Variants in ITGB5 observed in about 807,000 individuals in gnomAD.
ITGB5 encodes the protein integrin subunit beta 5.
Under a neutral mutation model 84.8 loss-of-function variants are expected in ITGB5, and 38 were observed. The observed-to-expected ratio is 0.45, with a 90% CI of 0.35 to 0.59. The LOEUF (loss-of-function observed/expected upper bound fraction) is 0.59. Among genes scored for constraint, ITGB5 ranks in the 20% least tolerant of loss-of-function variants. The pLI, the probability that ITGB5 is intolerant of heterozygous loss-of-function variation, is 0.01. For missense variants in ITGB5, 905 were observed against 1,034.5 expected (o/e 0.87, Z 1.72); for synonymous variants, 393 against 414.4 (o/e 0.95, Z 0.63).
At position 124,762,307 on chromosome 3, in the gene ITGB5, G is replaced by A. The variant is rs1311347931; in HGVS notation, c.*1316C>T. ...AAATGATCAGTGAAAGATTTTCTAA[G>A]AGCAAGCAGGAATGAGGAGGCTGGC... On this transcript the variant is annotated 3_prime_UTR_variant, in exon 15 of 15. Transcript: ENST00000296181. 1 of 152,194 alleles carries A rather than the reference G, an allele frequency of 6.6e-6. No individual in the cohort carries two copies. Among genetic ancestry groups the A allele is most frequent in the Non-Finnish European group, 1.5e-5 (1 of 68,046 alleles). 9.4% of individuals were successfully genotyped at this position (152,194 alleles called of 1,614,324 possible). A position where few individuals can be genotyped will look rare whatever the true frequency, so the allele number is the denominator to read the frequency against.
chr3:124,837,533 T>C (rs78954719), intron 5 of ITGB5, among the ~76,000 whole-genome samples: 4,496 of 152,312 alleles, frequency 0.03, 102 homozygotes, highest in South Asian at 0.045. Flanking sequence ...CAATGTGACC[T>C]GCAGGGGATA....
At chr3:124,785,486 G>A (rs2064067806) in intron 10 of ITGB5, among the ~76,000 whole-genome samples, 1 of 151,288 alleles carries the variant, frequency 6.6e-6, no homozygotes, top group Non-Finnish European at 1.5e-5. Flanking sequence ...TCAGGTGGCT[G>A]ATGCAGGAGA....
chr3:124,773,293 G>A (rs1015414950), intron 11 of ITGB5, among the ~76,000 whole-genome samples: 1 of 152,126 alleles, frequency 6.6e-6, no homozygotes, highest in African/African-American at 2.4e-5. Context: ...CAGTGTGGGG[G>A]ATTTAATTCA....
intron 1 of ITGB5, among the ~76,000 whole-genome samples, chr3:124,877,851 AT>A (rs60168281): frequency 0.44 from 65,986 of 149,954 alleles, 14,625 homozygotes; most frequent in East Asian, 0.67. Flanking sequence ...AAGCCACATA[AT>A]TTTTTTTTTT....
At chr3:124,763,792 A>G (rs1294074528) in intron 14 of ITGB5, 74 bp from the exon 15 acceptor site, 14 of 865,938 alleles carry the variant, frequency 1.6e-5, no homozygotes, top group Non-Finnish European at 1.9e-6. Flanking sequence ...CGCAGGCCCT[A>G]GGATCCCTTC....
rs148239039 is a variant in ITGB5, at chr3:124,883,415, A to G, written c.70+3516T>C. Among the ~76,000 whole-genome samples, 1,015 of 152,252 alleles carry G rather than the reference A, an allele frequency of 6.7e-3. 20 individuals carry two copies. The highest frequency in any genetic ancestry group is 0.037 in the South Asian group (177 of 4,812). On this transcript the variant is annotated intron_variant, in intron 1 of 14. Transcript: ENST00000296181. The stretch of plus-strand genomic sequence containing the variant: ...CCTTTATAAAAAGCTCCCCCAACTC[A>G]AGGATGATGGAGTTAAAATGTAAAT...
At chr3:124,849,432 C>T (rs979060217) in intron 3 of ITGB5, among the ~76,000 whole-genome samples, 1 of 152,132 alleles carries the variant, frequency 6.6e-6, no homozygotes, top group Non-Finnish European at 1.5e-5. Context: ...CATGCTTATG[C>T]CACATCACCT....
intron 5 of ITGB5, among the ~76,000 whole-genome samples, chr3:124,840,710 G>C (rs2064999357): frequency 6.6e-6 from 1 of 151,540 alleles, no homozygotes; most frequent in African/African-American, 2.4e-5. Flanking sequence ...TGTCGCCCAG[G>C]CTGGAGTGCA....
rs199682721 is a variant in ITGB5 at position 124,769,106 on chromosome 3, C to T, written c.1924G>A (p.Val642Ile). The part of the protein sequence containing the change: ...PDACSTKRDC[V>I]ECLLLHSGKP... Reference sequence around the variant, plus strand: ...CCAGAGTGGAGCAGCAGGCACTCGACGCAATCTCTTTGGAAAAGAGGAGAT... The same window carrying T: ...CCAGAGTGGAGCAGCAGGCACTCGATGCAATCTCTTTGGAAAAGAGGAGAT... Residue 642 changes from valine (V) to isoleucine (I), a missense_variant, in exon 12 of 15, where the codon GTC (valine) becomes ATC (isoleucine). Physicochemically the swap from Val to Ile is conservative, Grantham distance 29. This residue lies in a region of ITGB5 where 116 missense variants were observed against 177.0 expected (regional missense o/e 0.66). Coordinates refer to ENST00000296181, the MANE Select transcript of ITGB5 (RefSeq NM_002213.5). 2.4e-5 allele frequency: 38 copies of T among 1,613,856 alleles called. No individual in the cohort carries two copies. In the Middle Eastern group the frequency reaches 1.8e-3, roughly 77 times the overall value.
intron 13 of ITGB5, among the ~76,000 whole-genome samples, chr3:124,765,377 C>T (rs1268283633): frequency 6.6e-6 from 1 of 152,154 alleles, no homozygotes; most frequent in Non-Finnish European, 1.5e-5. Flanking sequence ...GAATGTTGAA[C>T]CCAGTGCTCC....
intron 5 of ITGB5, among the ~76,000 whole-genome samples, chr3:124,829,186 T>C (rs1395829626): frequency 1.3e-5 from 2 of 152,266 alleles, no homozygotes; most frequent in African/African-American, 2.4e-5. Flanking sequence ...CTACATTTTC[T>C]AATTTTTTAT....
chr3:124,825,598 GCT>G, intron 5 of ITGB5, among the ~76,000 whole-genome samples: 1 of 152,250 alleles, frequency 6.6e-6, no homozygotes, highest in South Asian at 2.1e-4. Flanking sequence ...GACTCAAAAG[GCT>G]AATTCCATTC....
intron 3 of ITGB5, among the ~76,000 whole-genome samples, chr3:124,857,744 G>A (rs373639473): frequency 1.3e-5 from 2 of 152,270 alleles, no homozygotes; most frequent in East Asian, 3.9e-4. Context: ...TGGTGAACTA[G>A]AAACAGCCAT....
At chr3:124,794,565 G>A (rs559680100) in intron 10 of ITGB5, among the ~76,000 whole-genome samples, 1 of 152,072 alleles carries the variant, frequency 6.6e-6, no homozygotes, top group Non-Finnish European at 1.5e-5. Flanking sequence ...TGGATCACCT[G>A]AGGTCAGGAC....
At chr3:124,764,751 G>A (rs911754993) in intron 13 of ITGB5, among the ~76,000 whole-genome samples, 194 bp from the exon 14 acceptor site, 10 of 152,250 alleles carry the variant, frequency 6.6e-5, no homozygotes, top group African/African-American at 2.2e-4. Context: ...CTGTTCTAAA[G>A]TCACACAGCA....
chr3:124,823,214 G>C (rs1309740055), intron 5 of ITGB5, among the ~76,000 whole-genome samples: 6 of 152,134 alleles, frequency 3.9e-5, no homozygotes, highest in South Asian at 4.1e-4. Context: ...AGTGAGCTAT[G>C]ATCATGCCAC....
intron 7 of ITGB5, among the ~76,000 whole-genome samples, chr3:124,819,110 C>T (rs1484114214): frequency 6.6e-6 from 1 of 152,202 alleles, no homozygotes; most frequent in African/African-American, 2.4e-5. Flanking sequence ...GACCCAGGAA[C>T]AGTTTCTTTA....
chr3:124,772,343 A>G (rs1342880554), intron 11 of ITGB5, among the ~76,000 whole-genome samples: 2 of 152,100 alleles, frequency 1.3e-5, no homozygotes, highest in Non-Finnish European at 2.9e-5. Context: ...TCAATTACCC[A>G]CGCCTGGGTT....
intron 2 of ITGB5, among the ~76,000 whole-genome samples, chr3:124,864,000 G>C (rs1393689204): frequency 1.7e-5 from 2 of 120,632 alleles, no homozygotes; most frequent in Non-Finnish European, 1.8e-5. Context: ...AAAAAAGAAA[G>C]AGAGAGAGAG....
Sources: allele counts gnomAD v4.1 joint callset (sites outside exome capture counted in the v4.1 genomes callset), GRCh38; gene constraint gnomAD v4.1.1; regional missense constraint gnomAD v4.1.1; transcripts MANE v1.5; gene names NCBI Gene and HGNC (gene_info 2026-07-23, HGNC 2026-07-21).